The following SIM2 variants were observed in gnomAD, a reference collection of about 807,000 sequenced individuals.
SIM2 encodes single-minded homolog 2.
In SIM2, 28 loss-of-function variants were observed where a neutral mutation model predicts 64.8. That is an observed-to-expected ratio of 0.43 (90% CI 0.32 to 0.59). The LOEUF is 0.59. Among genes scored for constraint, SIM2 ranks in the 20% least tolerant of loss-of-function variants. The pLI is 0.07. For missense variants in SIM2, 847 were observed against 871.4 expected, an observed-to-expected ratio of 0.97 and a Z score of 0.35; for synonymous variants, 408 against 391.1, an observed-to-expected ratio of 1.04 and a Z score of -0.51.
chr21:36,744,318 A>C (rs2089200440), intron 9 of SIM2, among the ~76,000 whole-genome samples: 1 of 151,572 alleles, frequency 6.6e-6, no homozygotes, highest in East Asian at 1.9e-4. Flanking sequence ...TGACAAAAAA[A>C]AAAAAAAAAA....
At chr21:36,743,328 G>C in intron 8 of SIM2, 59 bp from the exon 9 acceptor site, 1 of 1,508,494 alleles carries the variant, frequency 6.6e-7, no homozygotes. Flanking sequence ...CTGGGGCCAG[G>C]GAAGCTGCTC....
chr21:36,702,611 T>C (rs892802108), intron 1 of SIM2, among the ~76,000 whole-genome samples: 1 of 148,922 alleles, frequency 6.7e-6, no homozygotes, highest in African/African-American at 2.6e-5. Context: ...TGCAAACTGG[T>C]CACCCTTCCA....
chr21:36,726,183 C>A lies in SIM2; in HGVS notation c.608C>A (p.Ser203Tyr). ...QYMLDMSLYD[S>Y]CYQIVGLVAV... ...ATGCTGGACATGTCCCTGTACGACT[C>A]CTGCTACCAGATTGTGGGGCTGGTG... The change falls in exon 6 of 11, where the codon TCC (serine) becomes TAC (tyrosine). Residue 203 changes from serine (S) to tyrosine (Y), a missense_variant. This residue lies in a region of SIM2 where 397 missense variants were observed against 439.2 expected (regional missense o/e 0.90). Coordinates refer to ENST00000290399, the MANE Select transcript of SIM2 (RefSeq NM_005069.6). The surrounding 1 kb of genome is among the most constrained non-coding windows in gnomAD (Gnocchi z 4.5). 6.2e-7 allele frequency: 1 copy of A among 1,614,068 alleles called. No individual in the cohort carries two copies. Among genetic ancestry groups the A allele is most frequent in the Non-Finnish European group, 8.5e-7 (1 of 1,180,048 alleles).
intron 3 of SIM2, among the ~76,000 whole-genome samples, chr21:36,719,316 G>A (rs973916154): frequency 2.6e-5 from 4 of 152,258 alleles, no homozygotes; most frequent in East Asian, 1.9e-4. Context: ...TGTCCTCCTC[G>A]GGCGCAGTGG....
intron 2 of SIM2, chr21:36,710,287 G>T (rs941605747): frequency 6.6e-6 from 1 of 152,210 alleles, no homozygotes; most frequent in Non-Finnish European, 1.5e-5. Flanking sequence ...GCTTGGTTTG[G>T]AGCCAGGTGC....
rs1247424856 is a variant in SIM2, at chr21:36,701,351, G to C, written c.175+1430G>C. ...GACCTTTTGCGTTCGCCTCTGCCAA[G>C]CCTGTTATTTGTGCTGGCCGCTGGG... On this transcript the variant is annotated intron_variant, in intron 1 of 10. Coordinates refer to ENST00000290399, the MANE Select transcript of SIM2 (RefSeq NM_005069.6). 1.3e-5 allele frequency: 2 copies of C among 152,616 alleles called. 1 individual carries two copies. The highest frequency in any genetic ancestry group is 3.9e-4 in the East Asian group (2 of 5,192). The allele number at this position is 152,616 out of a possible 1,614,324, so 9.5% of individuals were successfully genotyped here.
Position 36,737,946 on chromosome 21 carries a change from A to G in SIM2, c.851-3771A>G, listed in dbSNP as rs371106888. On this transcript the variant is annotated intron_variant, in intron 7 of 10. Coordinates refer to ENST00000290399, the MANE Select transcript of SIM2 (RefSeq NM_005069.6). The stretch of plus-strand genomic sequence containing the variant: ...CACTGCACTCCAGCCTGGGCAAAAG[A>G]GCAAGACCCTGTCTCAAAAAAAAAA... Among the ~76,000 whole-genome samples, 13 of 121,364 alleles carry G rather than the reference A, an allele frequency of 1.1e-4. No individual in the cohort carries two copies. The East Asian group carries it at 2.1e-3, about 20-fold the overall frequency. 79.6% of individuals were successfully genotyped at this position (121,364 alleles called of 152,430 possible).
chr21:36,729,433 C>T (rs1475522093), intron 6 of SIM2, among the ~76,000 whole-genome samples: 2 of 152,064 alleles, frequency 1.3e-5, no homozygotes, highest in Admixed American at 6.5e-5. Flanking sequence ...TAGAAGGACA[C>T]CATGGAAATG....
chr21:36,717,609 G>A (rs1349886808), intron 3 of SIM2, among the ~76,000 whole-genome samples: 5 of 151,932 alleles, frequency 3.3e-5, no homozygotes, highest in East Asian at 1.9e-4. Context: ...CACCACGCCC[G>A]GCTAATTTTT....
Position 36,736,012 on chromosome 21 carries a change from C to T in SIM2, c.850+4861C>T, listed in dbSNP as rs2089042217. Among the ~76,000 whole-genome samples, 4 of 152,210 alleles carry T rather than the reference C, an allele frequency of 2.6e-5. No homozygotes were observed. In the South Asian group the frequency reaches 8.3e-4, roughly 32 times the overall value. On this transcript the variant is annotated intron_variant, in intron 7 of 10. Transcript: ENST00000290399. Reference sequence around the variant, plus strand: ...GGGTCCCCACTGTGGCCACTGCAGACCTGAGACTCAAGTCTTTCAACTCCA... The same window carrying T: ...GGGTCCCCACTGTGGCCACTGCAGATCTGAGACTCAAGTCTTTCAACTCCA...
In SIM2 at chr21:36,747,703, G is replaced by C. The variant is rs1198987612; in HGVS notation, c.1615G>C (p.Ala539Pro). 1 of 1,281,266 alleles carries C rather than the reference G, an allele frequency of 7.8e-7. No individual in the cohort carries two copies. The highest frequency in any genetic ancestry group is 3.0e-4 in the Middle Eastern group (1 of 3,296). The allele number at this position is 1,281,266 out of a possible 1,614,324, so 79.4% of individuals were successfully genotyped here. ...CGTGCGCAGGTTCGGCGAGGACACC[G>C]CGCCCCCGAGCTTCCCGAGCTGCGG... ...AAVRRFGEDT[A>P]PPSFPSCGHY... is the part of the protein sequence containing the mutation. The change falls in exon 11 of 11, where the codon GCG (alanine) becomes CCG (proline). Residue 539 changes from alanine to proline, a missense_variant. Physicochemically the swap from Ala to Pro is conservative, Grantham distance 27. Around this residue, in one of 3 missense-constraint regions of SIM2, gnomAD observed 447 missense variants for 414.6 expected, o/e 1.08. Transcript: ENST00000290399. The surrounding 1 kb of genome is among the most constrained non-coding windows in gnomAD (Gnocchi z 4.5).
chr21:36,746,705 C>T (rs1305082408), intron 10 of SIM2, among the ~76,000 whole-genome samples: 1 of 152,180 alleles, frequency 6.6e-6, no homozygotes, highest in Non-Finnish European at 1.5e-5. Context: ...CTGCCATACC[C>T]GTGAACATCT....
chr21:36,731,875 T>A (rs2088973114), intron 7 of SIM2, among the ~76,000 whole-genome samples: 2 of 152,076 alleles, frequency 1.3e-5, no homozygotes, highest in African/African-American at 4.8e-5. Context: ...TTTACTTTTT[T>A]AAAATCTAAA....
At chr21:36,718,704 G>T (rs2088778356) in intron 3 of SIM2, among the ~76,000 whole-genome samples, 1 of 152,012 alleles carries the variant, frequency 6.6e-6, no homozygotes, top group Admixed American at 6.6e-5. Context: ...ACAATGCTGG[G>T]GTTCACCGAC....
chr21:36,736,709 T>C (rs941918603), intron 7 of SIM2, among the ~76,000 whole-genome samples: 1 of 146,020 alleles, frequency 6.8e-6, no homozygotes, highest in Non-Finnish European at 1.5e-5. Context: ...TCCCCAGAAC[T>C]AACTTCCTTC....
chr21:36,733,130 C>T (rs1182363453), intron 7 of SIM2, among the ~76,000 whole-genome samples: 2 of 152,188 alleles, frequency 1.3e-5, no homozygotes, highest in African/African-American at 4.8e-5. Flanking sequence ...AAAGCATACC[C>T]CCGAATTACA....
At position 36,743,423 on chromosome 21, in the gene SIM2, G is replaced by A; in HGVS notation, c.1035G>A (p.Glu345=). Residue 345 remains glutamate (E), a synonymous_variant, in exon 9 of 11, where the codon GAG becomes GAA. Transcript: ENST00000290399. ...IEYKELQLSL[E]QVSTAKSQDS... is the part of the protein sequence containing the mutation. ...ACAAGGAACTTCAGCTGTCCCTGGA[G>A]CAGGTGTCCACTGCCAAGTCCCAGG... The A allele has an allele frequency of 1.2e-6, 2 of 1,614,042 alleles. No homozygotes were observed. The highest frequency in any genetic ancestry group is 1.7e-6 in the Non-Finnish European group (2 of 1,179,956).
chr21:36,723,242 A>C, intron 5 of SIM2, 112 bp downstream of exon 5: 1 of 815,894 alleles, frequency 1.2e-6, no homozygotes, highest in Non-Finnish European at 2.1e-6. Context: ...ATCCCCACTA[A>C]TGTAGAGCTC....
intron 7 of SIM2, among the ~76,000 whole-genome samples, chr21:36,732,177 C>T (rs753212557): frequency 3.3e-5 from 5 of 152,220 alleles, no homozygotes; most frequent in Non-Finnish European, 7.3e-5. Context: ...GCCACCGCAC[C>T]CAGCCACACA....
Sources: allele counts gnomAD v4.1 joint callset (sites outside exome capture counted in the v4.1 genomes callset), GRCh38; gene constraint gnomAD v4.1.1; regional missense constraint gnomAD v4.1.1; non-coding constraint Gnocchi (gnomAD v3.1); transcripts MANE v1.5; gene names NCBI Gene and HGNC (gene_info 2026-07-23, HGNC 2026-07-21).